The following NFX1 variants were observed in gnomAD, a reference collection of about 807,000 sequenced individuals.
NFX1 encodes nuclear transcription factor, X-box binding 1, also known as transcriptional repressor NF-X1.
Under a neutral mutation model 137.2 loss-of-function variants are expected in NFX1, and 69 were observed. The ratio of observed to expected loss-of-function variants is 0.50; its 90% CI spans 0.41 to 0.61. The LOEUF (loss-of-function observed/expected upper bound fraction) is 0.61. Ranked by LOEUF, NFX1 falls within the 20% of genes least tolerant of loss-of-function variation. The pLI is 0.00. For missense variants in NFX1, 1,167 were observed against 1,391.0 expected, an observed-to-expected ratio of 0.84 and a Z score of 2.56; for synonymous variants, 495 against 474.1, an observed-to-expected ratio of 1.04 and a Z score of -0.57.
chr9:33,331,813 C>T (rs542977674), intron 10 of NFX1, among the ~76,000 whole-genome samples: 2 of 152,046 alleles, frequency 1.3e-5, no homozygotes, highest in Admixed American at 6.6e-5. Flanking sequence ...ATGTAGAAGC[C>T]GGGCAGCTAG....
intron 7 of NFX1, among the ~76,000 whole-genome samples, chr9:33,317,860 C>T (rs976469998): frequency 1.3e-4 from 19 of 149,434 alleles, no homozygotes; most frequent in Admixed American, 4.1e-4. Flanking sequence ...CCTATAATCC[C>T]AGCTACTTGG....
At chr9:33,297,984 C>G (rs1447207924) in intron 2 of NFX1, among the ~76,000 whole-genome samples, 1 of 152,184 alleles carries the variant, frequency 6.6e-6, no homozygotes, top group African/African-American at 2.4e-5. Flanking sequence ...AACATTCTCA[C>G]ATTATTCATA....
intron 9 of NFX1, among the ~76,000 whole-genome samples, chr9:33,327,708 T>C (rs935658099): frequency 6.6e-6 from 1 of 152,016 alleles, no homozygotes; most frequent in Non-Finnish European, 1.5e-5. Flanking sequence ...AGGCTGAAAG[T>C]TAAAGAATAG....
intron 2 of NFX1, 88 bp downstream of exon 2, chr9:33,295,515 A>G (rs1161259040): frequency 4.4e-6 from 6 of 1,351,142 alleles, no homozygotes; most frequent in South Asian, 1.5e-5. Flanking sequence ...TAGAAAGCAG[A>G]AAGTATGGAA....
chr9:33,344,656 A>G (rs915760461), intron 14 of NFX1, among the ~76,000 whole-genome samples: 1 of 150,642 alleles, frequency 6.6e-6, no homozygotes, highest in Admixed American at 6.6e-5. Context: ...TCATGAGGTC[A>G]AAAGATTGAG....
intron 10 of NFX1, among the ~76,000 whole-genome samples, chr9:33,329,352 C>A (rs1482658239): frequency 6.6e-6 from 1 of 152,188 alleles, no homozygotes; most frequent in Non-Finnish European, 1.5e-5. Context: ...TAATCTCAGT[C>A]TCCAGTCTCT....
At position 33,351,809 on chromosome 9, in the gene NFX1, A is replaced by G. The variant is rs375328223; in HGVS notation, c.2655+19A>G. On this transcript the variant is annotated intron_variant, in intron 16 of 23. Coordinates refer to ENST00000379540, the MANE Select transcript of NFX1 (RefSeq NM_002504.6). ...AGCTAAGGTGGGTATTTCTGGCCAC[A>G]GATGCAGCATTGACTGTAGTTCTGA... 7.1e-6 allele frequency: 11 copies of G among 1,547,774 alleles called. No individual in the cohort carries two copies. The African/African-American group carries it at 1.1e-4, about 15-fold the overall frequency.
intron 20 of NFX1, 55 bp from the exon 21 acceptor site, chr9:33,364,626 CGCTTTACAGGGAGAGGATGGGTGAAAG>C: frequency 6.7e-7 from 1 of 1,494,090 alleles, no homozygotes; most frequent in South Asian, 1.2e-5. Flanking sequence ...CTATTGTCTA[CGCTTTACAGGGAGAGGATGGGTGAAAG>C]GGGTTCTCAG....
intron 3 of NFX1, 70 bp from the exon 4 acceptor site, chr9:33,303,121 T>G (rs1821632785): frequency 3.3e-6 from 4 of 1,214,912 alleles, no homozygotes; most frequent in African/African-American, 3.0e-5. Flanking sequence ...TCCTATAGAT[T>G]TAAATTTTTT....
intron 17 of NFX1, chr9:33,352,933 T>G: frequency 4.1e-6 from 2 of 493,226 alleles, no homozygotes; most frequent in Non-Finnish European, 7.3e-6. Context: ...GTTTTTTTGT[T>G]TGTTTTGTTT....
chr9:33,302,485 C>G (rs905019944), intron 3 of NFX1, among the ~76,000 whole-genome samples: 4 of 151,304 alleles, frequency 2.6e-5, no homozygotes, highest in African/African-American at 9.7e-5. Flanking sequence ...CCTCAGACTC[C>G]CAAGCAGCTG....
chr9:33,321,573 C>T (rs1822385368), intron 9 of NFX1, among the ~76,000 whole-genome samples: 1 of 152,070 alleles, frequency 6.6e-6, no homozygotes, highest in South Asian at 2.1e-4. Flanking sequence ...CTAGGGAAAA[C>T]TATAAAAAAG....
At chr9:33,300,293 G>A (rs1165901448) in intron 2 of NFX1, among the ~76,000 whole-genome samples, 2 of 151,802 alleles carry the variant, frequency 1.3e-5, no homozygotes, top group African/African-American at 4.8e-5. Context: ...TTGATCTCCC[G>A]ACCTCATGAT....
At chr9:33,358,899 A>T (rs551091405) in intron 19 of NFX1, among the ~76,000 whole-genome samples, 7 of 150,780 alleles carry the variant, frequency 4.6e-5, no homozygotes, top group African/African-American at 1.7e-4. Flanking sequence ...GCATCTCGCT[A>T]TGTTGGCCAG....
At chr9:33,328,938 A>G (rs1822698952) in intron 10 of NFX1, among the ~76,000 whole-genome samples, 1 of 152,198 alleles carries the variant, frequency 6.6e-6, no homozygotes, top group Non-Finnish European at 1.5e-5. Flanking sequence ...CACAGTCCAT[A>G]TGACCACCCA....
rs113433967 is a variant in NFX1 at position 33,318,843 on chromosome 9, G to C, written c.1688+13G>C. ...AGATATGTGGCAAGTAAGGTTTTAC[G>C]TTTTCTTCAGTTGAACTAAAGCTGC... is the stretch of plus-strand genomic sequence containing the variant. On this transcript the variant is annotated intron_variant, in intron 8 of 23. Transcript: ENST00000379540. 3 of 1,614,092 alleles carry C rather than the reference G, an allele frequency of 1.9e-6. No homozygotes were observed. The highest frequency in any genetic ancestry group is 2.2e-5 in the East Asian group (1 of 44,890).
At chr9:33,306,296 C>A (rs1821751608) in intron 4 of NFX1, among the ~76,000 whole-genome samples, 1 of 152,092 alleles carries the variant, frequency 6.6e-6, no homozygotes, top group Non-Finnish European at 1.5e-5. Flanking sequence ...AAATAGGAAA[C>A]CCTGAAAAGG....
At chr9:33,343,106 C>G (rs949555166) in intron 13 of NFX1, among the ~76,000 whole-genome samples, 8 of 152,080 alleles carry the variant, frequency 5.3e-5, no homozygotes, top group Non-Finnish European at 1.0e-4. Context: ...CTGCTACATG[C>G]CTCATATGTG....
At chr9:33,347,834 A>G (rs899968720) in intron 15 of NFX1, 69 of 178,184 alleles carry the variant, frequency 3.9e-4, no homozygotes, top group African/African-American at 1.5e-3. Flanking sequence ...TATACGTACC[A>G]TGGAATACTA....
Sources: allele counts gnomAD v4.1 joint callset (sites outside exome capture counted in the v4.1 genomes callset), GRCh38; gene constraint gnomAD v4.1.1; transcripts MANE v1.5; gene names NCBI Gene and HGNC (gene_info 2026-07-23, HGNC 2026-07-21).